Variants in SLC4A4 observed in about 807,000 individuals in gnomAD.
The protein encoded by SLC4A4 is solute carrier family 4 member 4.
Under a neutral mutation model 111.5 loss-of-function variants are expected in SLC4A4, and 27 were observed. That is an observed-to-expected ratio of 0.24 (90% confidence interval 0.18 to 0.33). The LOEUF is 0.33. Ranked by LOEUF, SLC4A4 falls within the 10% of genes least tolerant of loss-of-function variation. SLC4A4 has a pLI of 1.00. For synonymous variants in SLC4A4, 443 were observed against 463.4 expected, an observed-to-expected ratio of 0.96 and a Z score of 0.57; for missense variants, 909 against 1,315.5, an observed-to-expected ratio of 0.69 and a Z score of 4.78.
intron 3 of SLC4A4, among the ~76,000 whole-genome samples, chr4:71,324,680 A>T (rs1727373620): frequency 6.6e-6 from 1 of 152,074 alleles, no homozygotes; most frequent in African/African-American, 2.4e-5. Context: ...TACTACCTTT[A>T]TGTTCTAAAG....
chr4:71,523,565 G>T (rs1027460206), intron 16 of SLC4A4, among the ~76,000 whole-genome samples: 1 of 152,066 alleles, frequency 6.6e-6, no homozygotes, highest in Non-Finnish European at 1.5e-5. Flanking sequence ...TTGCAAAGAG[G>T]TAGTCTGTGG....
chr4:71,521,242 T>C (rs1405597529), intron 16 of SLC4A4, among the ~76,000 whole-genome samples: 1 of 152,166 alleles, frequency 6.6e-6, no homozygotes. Flanking sequence ...CCTTTATTTT[T>C]TTTAAATGAG....
chr4:71,147,682 A>G (rs1297539057), intron 2 of SLC4A4, among the ~76,000 whole-genome samples: 1 of 152,172 alleles, frequency 6.6e-6, no homozygotes, highest in Non-Finnish European at 1.5e-5. Flanking sequence ...ATCACATTTC[A>G]GAACACAGAA....
intron 1 of SLC4A4, among the ~76,000 whole-genome samples, chr4:71,223,938 A>G (rs890341249): frequency 3.3e-5 from 5 of 151,838 alleles, no homozygotes; most frequent in Non-Finnish European, 7.4e-5. Flanking sequence ...GATCCTTAGG[A>G]GCCCGGATCT....
intron 7 of SLC4A4, among the ~76,000 whole-genome samples, chr4:71,420,371 G>C (rs1425393398): frequency 1.3e-5 from 2 of 152,196 alleles, no homozygotes; most frequent in South Asian, 2.1e-4. Flanking sequence ...TGGTGTACCT[G>C]AAAGTGATGG....
At chr4:71,201,808 T>A (rs1379646156) in intron 1 of SLC4A4, among the ~76,000 whole-genome samples, 7 of 152,220 alleles carry the variant, frequency 4.6e-5, no homozygotes, top group African/African-American at 1.4e-4. Flanking sequence ...TAACATATAA[T>A]GTGTTTTTGT....
intron 1 of SLC4A4, among the ~76,000 whole-genome samples, chr4:71,195,233 T>TG (rs1347362498): frequency 9.1e-6 from 1 of 109,672 alleles, no homozygotes; most frequent in East Asian, 3.2e-4. Context: ...TATTTGAGTT[T>TG]TTTTTTTTTT....
chr4:71,461,435 A>G (rs1726813009), intron 12 of SLC4A4, among the ~76,000 whole-genome samples: 1 of 152,186 alleles, frequency 6.6e-6, no homozygotes, highest in South Asian at 2.1e-4. Flanking sequence ...AATAAAAAGG[A>G]CATAAAACAA....
At chr4:71,217,137 GT>G (rs140081150) in intron 1 of SLC4A4, among the ~76,000 whole-genome samples, 67 of 151,860 alleles carry the variant, frequency 4.4e-4, no homozygotes, top group Middle Eastern at 3.4e-3. Flanking sequence ...TGACATTAAA[GT>G]TTTTTTTTAA....
intron 2 of SLC4A4, among the ~76,000 whole-genome samples, chr4:71,169,049 G>A (rs539566724): frequency 3.3e-5 from 5 of 151,706 alleles, no homozygotes; most frequent in Non-Finnish European, 5.9e-5. Flanking sequence ...ATGGGGTTTC[G>A]CTCTTGTTGC....
chr4:71,136,999 G>A (rs987235344), intron 2 of SLC4A4, among the ~76,000 whole-genome samples: 1 of 152,062 alleles, frequency 6.6e-6, no homozygotes, highest in South Asian at 2.1e-4. Flanking sequence ...CTGTGTCCTG[G>A]TAGTTCTATG....
intron 12 of SLC4A4, among the ~76,000 whole-genome samples, chr4:71,459,272 T>G (rs992871675): frequency 6.6e-6 from 1 of 152,048 alleles, no homozygotes; most frequent in South Asian, 2.1e-4. Flanking sequence ...TCTTATTTTG[T>G]GTTTGACTTG....
At chr4:71,277,940 T>A (rs1723206675) in intron 3 of SLC4A4, among the ~76,000 whole-genome samples, 1 of 152,210 alleles carries the variant, frequency 6.6e-6, no homozygotes, top group South Asian at 2.1e-4. Context: ...CTAGTTACTG[T>A]TGTTTTCTTC....
intron 7 of SLC4A4, among the ~76,000 whole-genome samples, chr4:71,415,006 G>A (rs1047873278): frequency 6.6e-6 from 1 of 152,204 alleles, no homozygotes; most frequent in Non-Finnish European, 1.5e-5. Context: ...CAGTTATCAT[G>A]AGGAATTATA....
intron 1 of SLC4A4, among the ~76,000 whole-genome samples, chr4:71,213,407 C>A (rs907206953): frequency 2.0e-5 from 3 of 152,164 alleles, no homozygotes; most frequent in African/African-American, 7.2e-5. Flanking sequence ...GACTAAAACA[C>A]AAGAAAGCTC....
intron 7 of SLC4A4, among the ~76,000 whole-genome samples, chr4:71,418,555 C>A (rs972894901): frequency 2.0e-5 from 3 of 152,188 alleles, no homozygotes; most frequent in Non-Finnish European, 4.4e-5. Context: ...TCTTTTTAGG[C>A]CTCTTAGATA....
chr4:71,471,413 T>A (rs1199500859), intron 13 of SLC4A4, among the ~76,000 whole-genome samples: 1 of 151,848 alleles, frequency 6.6e-6, no homozygotes, highest in Non-Finnish European at 1.5e-5. Context: ...AGGATATCAA[T>A]GAGGGGGTTT....
At chr4:71,208,635 T>G (rs1480122066) in intron 1 of SLC4A4, among the ~76,000 whole-genome samples, 1 of 151,872 alleles carries the variant, frequency 6.6e-6, no homozygotes, top group Non-Finnish European at 1.5e-5. Flanking sequence ...TAAAATCTCA[T>G]AATCTCATTT....
At chr4:71,510,175 A>G (rs903228977) in intron 16 of SLC4A4, among the ~76,000 whole-genome samples, 18 of 152,096 alleles carry the variant, frequency 1.2e-4, no homozygotes, top group Non-Finnish European at 2.2e-4. Flanking sequence ...GGGGGCCTCC[A>G]GTTTGTCTTT....
Sources: allele counts gnomAD v4.1 joint callset (sites outside exome capture counted in the v4.1 genomes callset), GRCh38; gene constraint gnomAD v4.1.1; transcripts MANE v1.5; gene names NCBI Gene and HGNC (gene_info 2026-07-23, HGNC 2026-07-21).